The following ABLIM2 variants were observed in gnomAD, a reference collection of about 807,000 sequenced individuals.
The protein encoded by ABLIM2 is actin-binding LIM protein 2.
A neutral mutation model predicts 97.7 loss-of-function variants in ABLIM2; 53 were observed. That is an observed-to-expected ratio of 0.54 (90% CI 0.44 to 0.68). The LOEUF is 0.68. Ranked by LOEUF, ABLIM2 falls within the 30% of genes least tolerant of loss-of-function variation. ABLIM2 has a pLI of 0.00. For synonymous variants in ABLIM2, 361 were observed against 345.8 expected, an observed-to-expected ratio of 1.04 and a Z score of -0.49; for missense variants, 835 against 867.2, an observed-to-expected ratio of 0.96 and a Z score of 0.47.
intron 1 of ABLIM2, among the ~76,000 whole-genome samples, chr4:8,153,854 G>A (rs1336336025): frequency 1.3e-5 from 2 of 152,190 alleles, no homozygotes; most frequent in South Asian, 2.1e-4. Context: ...CTTACAGATG[G>A]GCACCGACGG....
rs1790940308 is a variant in ABLIM2, at chr4:8,044,622, G to T, written c.900+542C>A. On this transcript the variant is annotated intron_variant, in intron 9 of 20. Coordinates refer to ENST00000447017, the MANE Select transcript of ABLIM2 (RefSeq NM_001130083.2). This position sits in a 1 kb window ranked among gnomAD's most constrained non-coding sequence, Gnocchi z 4.4. Reference sequence around the variant, plus strand: ...ATTTTTATATTTGTATGTGATTATGGAAGCGTGTGAGGCGCACAGACACAC... The same window carrying T: ...ATTTTTATATTTGTATGTGATTATGTAAGCGTGTGAGGCGCACAGACACAC... Among the ~76,000 whole-genome samples, 1 of 149,682 alleles carries T rather than the reference G, an allele frequency of 6.7e-6. No homozygotes were observed. The highest frequency in any genetic ancestry group is 1.5e-5 in the Non-Finnish European group (1 of 67,766).
rs921767367 is a variant in ABLIM2, at chr4:8,140,606, C to T, written c.10+18074G>A. On this transcript the variant is annotated intron_variant, in intron 1 of 20. Transcript: ENST00000447017. The surrounding 1 kb of genome is among the most constrained non-coding windows in gnomAD (Gnocchi z 5.9). ...CAAACGCGCATTCTGTCTGTGATAC[C>T]GTTACTCCCATGGCCACTGCTACTG... is the stretch of plus-strand genomic sequence containing the variant. 2.0e-5 allele frequency among the ~76,000 whole-genome samples: 3 copies of T among 152,092 alleles called. No homozygotes were observed. Among genetic ancestry groups the T allele is most frequent in the East Asian group, 1.9e-4 (1 of 5,188 alleles).
At chr4:7,989,860 T>C (rs4696662) in intron 17 of ABLIM2, among the ~76,000 whole-genome samples, 40,317 of 152,110 alleles carry the variant, frequency 0.27, 7,152 homozygotes, top group African/African-American at 0.49. Flanking sequence ...ACACATGGTA[T>C]GCATCAGAGT....
intron 6 of ABLIM2, 71 bp downstream of exon 6, chr4:8,077,556 TC>T: frequency 7.3e-7 from 1 of 1,375,374 alleles, no homozygotes; most frequent in Non-Finnish European, 1.0e-6. Flanking sequence ...CACACAAATC[TC>T]CCAGTCAACT....
At chr4:8,108,378 A>C (rs1407129399) in intron 1 of ABLIM2, among the ~76,000 whole-genome samples, 1 of 152,244 alleles carries the variant, frequency 6.6e-6, no homozygotes, top group African/African-American at 2.4e-5. Context: ...CAGACTGAAC[A>C]CACAGACAAT....
chr4:8,091,213 C>T (rs1412335687), intron 3 of ABLIM2, among the ~76,000 whole-genome samples: 1 of 137,932 alleles, frequency 7.2e-6, no homozygotes, highest in African/African-American at 2.7e-5. Context: ...CATTTGCATA[C>T]CCCTGTGACT....
In ABLIM2 at chr4:8,146,706, T is replaced by C. The variant is rs188808600; in HGVS notation, c.10+11974A>G. Among the ~76,000 whole-genome samples the C allele has an allele frequency of 1.3e-3, 202 of 152,218 alleles. 1 individual carries two copies. Among genetic ancestry groups the C allele is most frequent in the Non-Finnish European group, 1.8e-3 (125 of 68,022 alleles). Reference sequence around the variant, plus strand: ...GCACATGCCCAGCTAATTTTTTTATTTTTTGTAGAGGCGGGATCTCACTAT... The same window carrying C: ...GCACATGCCCAGCTAATTTTTTTATCTTTTGTAGAGGCGGGATCTCACTAT... On this transcript the variant is annotated intron_variant, in intron 1 of 20. Coordinates refer to ENST00000447017, the MANE Select transcript of ABLIM2 (RefSeq NM_001130083.2).
In ABLIM2 at chr4:8,029,811, C is replaced by T. The variant is rs1251741556; in HGVS notation, c.1048-35G>A. The T allele has an allele frequency of 1.9e-6, 3 of 1,553,660 alleles. No homozygotes were observed. In the East Asian group the frequency reaches 7.2e-5, roughly 37 times the overall value. On this transcript the variant is annotated intron_variant, in intron 10 of 20. Coordinates refer to ENST00000447017, the MANE Select transcript of ABLIM2 (RefSeq NM_001130083.2). ...AAGATGCAGCTTGTGAACACTGGAG[C>T]CGGGAGCACTTCCCACCCCTTGTCC...
chr4:8,147,973 A>G lies in ABLIM2; in HGVS notation c.10+10707T>C, dbSNP rs1464158304. Among the ~76,000 whole-genome samples, 2 of 152,144 alleles carry G rather than the reference A, an allele frequency of 1.3e-5. No homozygotes were observed. The highest frequency in any genetic ancestry group is 2.9e-5 in the Non-Finnish European group (2 of 68,018). On this transcript the variant is annotated intron_variant, in intron 1 of 20. Coordinates refer to ENST00000447017, the MANE Select transcript of ABLIM2 (RefSeq NM_001130083.2). The surrounding 1 kb of genome is among the most constrained non-coding windows in gnomAD (Gnocchi z 5.3). ...TCACGAAGTCAGCCCTAGGCCCAAT[A>G]TCCCAGAAGAAGGGGCACGAGTCAG...
chr4:8,042,233 T>C (rs988985862), intron 9 of ABLIM2, among the ~76,000 whole-genome samples: 5 of 152,128 alleles, frequency 3.3e-5, no homozygotes, highest in Admixed American at 2.6e-4. Context: ...CCAGAGTTCC[T>C]CTTCCCCAAG....
Position 7,966,859 on chromosome 4 carries a change from G to A in ABLIM2, c.*131C>T. The A allele has an allele frequency of 3.0e-6, 1 of 335,972 alleles. No homozygotes were observed. The highest frequency in any genetic ancestry group is 2.3e-5 in the South Asian group (1 of 42,672). The allele number at this position is 335,972 out of a possible 1,614,324, so 20.8% of individuals were successfully genotyped here. A position where few individuals can be genotyped will look rare whatever the true frequency, so the allele number is the denominator to read the frequency against. On this transcript the variant is annotated 3_prime_UTR_variant, in exon 21 of 21. Transcript: ENST00000447017. ...AGGTGCAGGGGCCGCACCTGCTGGG[G>A]GACCCCCTCCCGCCCACCCCATGGA...
rs180903640 is a variant in ABLIM2 at position 8,150,695 on chromosome 4, T to C, written c.10+7985A>G. ...AAATGAAGCTTCGAGCTGAGACCGA[T>C]GACTCAAGACACCACGCCTCCTGAG... On this transcript the variant is annotated intron_variant, in intron 1 of 20. Coordinates refer to ENST00000447017, the MANE Select transcript of ABLIM2 (RefSeq NM_001130083.2). The surrounding 1 kb of genome is among the most constrained non-coding windows in gnomAD (Gnocchi z 6.3). 1.8e-4 allele frequency among the ~76,000 whole-genome samples: 28 copies of C among 152,272 alleles called. 1 individual carries two copies. In the East Asian group the frequency reaches 5.2e-3, roughly 28 times the overall value.
chr4:7,987,197 T>C (rs1486035651), intron 17 of ABLIM2, among the ~76,000 whole-genome samples: 2 of 151,506 alleles, frequency 1.3e-5, no homozygotes, highest in Non-Finnish European at 2.9e-5. Context: ...TGGCTGGTCT[T>C]AAACTCCTGG....
In ABLIM2 at chr4:8,004,598, T is replaced by C. The variant is rs985374384; in HGVS notation, c.1618+3461A>G. On this transcript the variant is annotated intron_variant, in intron 16 of 20. Transcript: ENST00000447017. The surrounding 1 kb of genome is among the most constrained non-coding windows in gnomAD (Gnocchi z 5.9). ...ACGTGAGAGACCTCAAAAGAGAGGA[T>C]GGGGCCTCAAGGGGCTAGGAATGTG... Among the ~76,000 whole-genome samples the C allele has an allele frequency of 2.8e-4, 42 of 152,198 alleles. No homozygotes were observed. Among genetic ancestry groups the C allele is most frequent in the African/African-American group, 8.9e-4 (37 of 41,518 alleles).
intron 20 of ABLIM2, among the ~76,000 whole-genome samples, chr4:7,979,733 C>T (rs1326006234): frequency 2.6e-5 from 4 of 152,196 alleles, no homozygotes; most frequent in Non-Finnish European, 5.9e-5. Flanking sequence ...GTGTTAAATA[C>T]GCCACCCAGC....
At chr4:8,013,184 T>C (rs1329943043) in intron 14 of ABLIM2, among the ~76,000 whole-genome samples, 1 of 151,258 alleles carries the variant, frequency 6.6e-6, no homozygotes, top group Non-Finnish European at 1.5e-5. Flanking sequence ...ACTCATCAGA[T>C]AAGCACTGTA....
rs569539358 is a variant in ABLIM2 at position 8,085,930 on chromosome 4, G to A, written c.454+2239C>T. 7.9e-5 allele frequency among the ~76,000 whole-genome samples: 2 copies of A among 25,308 alleles called. No individual in the cohort carries two copies. Among genetic ancestry groups the A allele is most frequent in the African/African-American group, 3.9e-4 (2 of 5,180 alleles). 16.6% of individuals were successfully genotyped at this position (25,308 alleles called of 152,430 possible). On this transcript the variant is annotated intron_variant, in intron 4 of 20. Coordinates refer to ENST00000447017, the MANE Select transcript of ABLIM2 (RefSeq NM_001130083.2). The surrounding 1 kb of genome is among the most constrained non-coding windows in gnomAD (Gnocchi z 6.1). ...CCTTGGCCCACCCCTCGGCACTTCC[G>A]CCCCCTGATGGACAGAGCACCCAGC...
chr4:7,995,822 A>G (rs539847182), intron 16 of ABLIM2, among the ~76,000 whole-genome samples: 2 of 151,952 alleles, frequency 1.3e-5, no homozygotes, highest in Non-Finnish European at 2.9e-5. Context: ...CGGGGGCCAG[A>G]CCTTCGGGCT....
chr4:8,104,397 G>T (rs1836166781), intron 2 of ABLIM2, among the ~76,000 whole-genome samples: 1 of 152,222 alleles, frequency 6.6e-6, no homozygotes. Flanking sequence ...CTTTGTCAGG[G>T]CAGTGGTATT....
Sources: gnomAD v4.1 joint callset for allele counts (sites outside exome capture counted in the v4.1 genomes callset) on GRCh38, gnomAD v4.1.1 for gene constraint, Gnocchi (gnomAD v3.1) non-coding constraint, MANE v1.5 for transcripts, NCBI Gene and HGNC (gene_info 2026-07-23, HGNC 2026-07-21) for gene names.